ZFP64: variants seen among roughly 807,000 people sequenced by gnomAD.
ZFP64 encodes zinc finger protein 64.
A neutral mutation model predicts 51.6 loss-of-function variants in ZFP64; 14 were observed. The observed-to-expected ratio is 0.27, with a 90% confidence interval of 0.18 to 0.42. The LOEUF is 0.42. Among genes scored for constraint, ZFP64 ranks in the 10% least tolerant of loss-of-function variants. The pLI, the probability that ZFP64 is intolerant of heterozygous loss-of-function variation, is 1.00. For missense variants in ZFP64, 754 were observed against 906.8 expected, an observed-to-expected ratio of 0.83 and a Z score of 2.16; for synonymous variants, 375 against 361.4, an observed-to-expected ratio of 1.04 and a Z score of -0.43.
intron 5 of ZFP64, chr20:52,104,671 C>G (rs1384077027): frequency 2.1e-6 from 1 of 472,692 alleles, no homozygotes. Context: ...CTCGCTCCCT[C>G]CCATCCTTCG....
At chr20:52,123,876 T>TG (rs200060812) in intron 5 of ZFP64, among the ~76,000 whole-genome samples, 4,548 of 109,422 alleles carry the variant, frequency 0.042, 143 homozygotes, top group African/African-American at 0.14. Flanking sequence ...TTTTCTTTTT[T>TG]GGGGGGGGGA....
rs780974964 is a variant in ZFP64 at position 52,152,613 on chromosome 20, CCAA to C, written c.1576_1578del (p.Leu526del). 9 of 1,538,492 alleles carry C rather than the reference CCAA, an allele frequency of 5.8e-6. No individual in the cohort carries two copies. Among genetic ancestry groups the C allele is most frequent in the Non-Finnish European group, 7.8e-6 (9 of 1,147,336 alleles). On this transcript the variant is annotated inframe_deletion, in exon 6 of 6. Transcript: ENST00000216923. ...GGGAGTTCCTCTGGGTTCTGGGCCA[CCAA>C]GGCAGGCGGGACGATGTTCACTGCA...
intron 5 of ZFP64, among the ~76,000 whole-genome samples, chr20:52,158,002 AC>A (rs1289961402): frequency 3.3e-5 from 5 of 151,924 alleles, no homozygotes; most frequent in African/African-American, 7.3e-5. Flanking sequence ...CATGAACTCA[AC>A]CTTTTTTATG....
At chr20:52,161,838 A>G (rs576110490) in intron 4 of ZFP64, among the ~76,000 whole-genome samples, 1 of 152,354 alleles carries the variant, frequency 6.6e-6, no homozygotes, top group East Asian at 1.9e-4. Context: ...ACTTTTGGTC[A>G]TGGAAGGAGG....
chr20:52,155,045 T>C (rs1490037221), intron 5 of ZFP64, among the ~76,000 whole-genome samples: 1 of 152,124 alleles, frequency 6.6e-6, no homozygotes, highest in Middle Eastern at 3.2e-3. Context: ...TAAACTAAAA[T>C]AAAAACCAAT....
intron 5 of ZFP64, among the ~76,000 whole-genome samples, chr20:52,144,224 T>A (rs1980401049): frequency 7.0e-6 from 1 of 142,664 alleles, no homozygotes; most frequent in African/African-American, 2.5e-5. Context: ...CTAAGTGAAC[T>A]TAATACATGA....
chr20:52,139,833 T>C lies in ZFP64; in HGVS notation c.763+20290A>G, dbSNP rs1568672587. 3.4e-5 allele frequency among the ~76,000 whole-genome samples: 5 copies of C among 149,228 alleles called. No homozygotes were observed. In the South Asian group the frequency reaches 1.1e-3, roughly 32 times the overall value. ...GATTGTCCTTAGTTTTATTGTGCTT[T>C]GCGGGCGCTGAGTTGTTTTTTTTTT... On this transcript the variant is annotated intron_variant, in intron 5 of 8. Transcript: ENST00000361387.
intron 3 of ZFP64, 27 bp downstream of exon 3, chr20:52,165,837 A>G: frequency 6.2e-7 from 1 of 1,613,896 alleles, no homozygotes; most frequent in Non-Finnish European, 8.5e-7. Flanking sequence ...CACCCTCTAC[A>G]CAAGTAGGAC....
In ZFP64 at chr20:52,152,102, T is replaced by A. The variant is rs200230613; in HGVS notation, c.*44A>T. 6.4e-7 allele frequency: 1 copy of A among 1,570,906 alleles called. No individual in the cohort carries two copies. Among genetic ancestry groups the A allele is most frequent in the Non-Finnish European group, 8.6e-7 (1 of 1,159,690 alleles). ...TTTAGAGAATTCTACTTAAGATTTC[T>A]TTTTCTCAATTCCTTTCCCCCACTC... is the stretch of plus-strand genomic sequence containing the variant. On this transcript the variant is annotated 3_prime_UTR_variant, in exon 6 of 6. Coordinates refer to ENST00000216923, the MANE Select transcript of ZFP64 (RefSeq NM_018197.3).
At chr20:52,170,239 G>C (rs1568695360) in intron 2 of ZFP64, among the ~76,000 whole-genome samples, 1 of 151,956 alleles carries the variant, frequency 6.6e-6, no homozygotes, top group African/African-American at 2.4e-5. Context: ...ATCATTTGAG[G>C]TCAGGAGTTT....
intron 2 of ZFP64, among the ~76,000 whole-genome samples, chr20:52,169,094 T>C (rs1414430884): frequency 2.0e-5 from 3 of 152,230 alleles, no homozygotes; most frequent in Non-Finnish European, 4.4e-5. Flanking sequence ...TGTAACTTCA[T>C]TGAACTTGTT....
At chr20:52,126,747 C>G (rs1162972497) in intron 5 of ZFP64, among the ~76,000 whole-genome samples, 1 of 152,108 alleles carries the variant, frequency 6.6e-6, no homozygotes, top group Non-Finnish European at 1.5e-5. Flanking sequence ...TTAGGCATCT[C>G]CAACATCTTA....
chr20:52,088,941 G>A (rs868022171), intron 7 of ZFP64: 1 of 573,066 alleles, frequency 1.7e-6, no homozygotes. Context: ...GATAAGAAGT[G>A]GCAGCTGTAG....
chr20:52,176,091 G>A (rs937192743), intron 2 of ZFP64: 8 of 367,110 alleles, frequency 2.2e-5, no homozygotes, highest in Admixed American at 6.4e-5. Flanking sequence ...TGGGCCAATC[G>A]AGTCTCTTGC....
Position 52,097,260 on chromosome 20 carries a change from T to C in ZFP64, c.976+113A>G, listed in dbSNP as rs200551408. 91 of 1,291,360 alleles carry C rather than the reference T, an allele frequency of 7.0e-5. No individual in the cohort carries two copies. In the East Asian group the frequency reaches 1.1e-3, roughly 16 times the overall value. 80.0% of individuals were successfully genotyped at this position (1,291,360 alleles called of 1,614,324 possible). A position where few individuals can be genotyped will look rare whatever the true frequency, so the allele number is the denominator to read the frequency against. ...CCAAGCCCACCCCACTAGACTGAGT[T>C]TCATGAGGCAGATGAGGCAGAGACT... On this transcript the variant is annotated intron_variant, in intron 7 of 8. Transcript: ENST00000361387.
intron 7 of ZFP64, among the ~76,000 whole-genome samples, chr20:52,094,716 G>T (rs140337672): frequency 6.6e-6 from 1 of 152,038 alleles, no homozygotes; most frequent in Non-Finnish European, 1.5e-5. Flanking sequence ...CTGGGTGACA[G>T]AGCAAGAGAA....
chr20:52,176,008 C>T, intron 2 of ZFP64: 4 of 983,294 alleles, frequency 4.1e-6, no homozygotes, highest in Non-Finnish European at 4.8e-6. Context: ...GTGGCGCTGC[C>T]CTGTTGGAAG....
downstream of ZFP64, among the ~76,000 whole-genome samples, chr20:52,147,007 G>A (rs754541202): frequency 5.3e-5 from 8 of 152,046 alleles, no homozygotes; most frequent in East Asian, 1.9e-4. Context: ...AAATACTTAC[G>A]GCTAACAATT....
At chr20:52,131,688 T>C (rs1425509348) in intron 5 of ZFP64, among the ~76,000 whole-genome samples, 1 of 152,224 alleles carries the variant, frequency 6.6e-6, no homozygotes, top group Non-Finnish European at 1.5e-5. Context: ...TAAATATATA[T>C]GCATCCAACT....
Sources: allele counts gnomAD v4.1 joint callset (sites outside exome capture counted in the v4.1 genomes callset), GRCh38; gene constraint gnomAD v4.1.1; transcripts MANE v1.5; gene names NCBI Gene and HGNC (gene_info 2026-07-23, HGNC 2026-07-21).